Variants in C12orf43 observed in about 807,000 individuals in gnomAD.
C12orf43 encodes the protein protein CUSTOS.
In C12orf43, 15 loss-of-function variants were observed where a neutral mutation model predicts 20.6. The observed-to-expected ratio is 0.73, with a 90% confidence interval of 0.49 to 1.12. The LOEUF is 1.12. Ranked by LOEUF, C12orf43 falls within the 50% of genes most tolerant of loss-of-function variation. The pLI, the probability that C12orf43 is intolerant of heterozygous loss-of-function variation, is 0.00. For synonymous variants in C12orf43, 144 were observed against 130.8 expected (o/e 1.10, Z -0.69); for missense variants, 334 against 344.4 (o/e 0.97, Z 0.24).
chr12:121,012,356 G>A (rs572851366), intron 1 of C12orf43: 9 of 701,716 alleles, frequency 1.3e-5, no homozygotes, highest in African/African-American at 5.2e-5. Context: ...GGGCCCTGAC[G>A]TGGGCCAATG....
rs1333832320 is a variant in C12orf43, at chr12:121,001,902, G to C, written c.*2251C>G. 1.9e-6 allele frequency: 1 copy of C among 513,450 alleles called. No homozygotes were observed. The highest frequency in any genetic ancestry group is 3.8e-6 in the Non-Finnish European group (1 of 264,352). The allele number at this position is 513,450 out of a possible 1,614,324, so 31.8% of individuals were successfully genotyped here. A position where few individuals can be genotyped will look rare whatever the true frequency, so the allele number is the denominator to read the frequency against. ...AGGCCCCATGACCTCCAGCTTTCCT[G>C]TATTTGTTCCCAAGAGCATCATGCC... On this transcript the variant is annotated 3_prime_UTR_variant, in exon 6 of 6. Coordinates refer to ENST00000288757, the MANE Select transcript of C12orf43 (RefSeq NM_022895.3).
chr12:121,011,052 G>A, intron 2 of C12orf43, 52 bp downstream of exon 2: 1 of 1,599,666 alleles, frequency 6.3e-7, no homozygotes. Flanking sequence ...GGCACACGCA[G>A]GGGATCAGTA....
intron 3 of C12orf43, among the ~76,000 whole-genome samples, chr12:121,009,780 A>G (rs1565896394): frequency 6.6e-6 from 1 of 152,224 alleles, no homozygotes; most frequent in Admixed American, 6.5e-5. Context: ...ATATGGACTC[A>G]AACAGGTTGT....
At position 121,012,586 on chromosome 12, in the gene C12orf43, C is replaced by T. The variant is rs1003665403; in HGVS notation, c.146-1440G>A. ...ATGGAGTCAAGGCCGGGCGCGGTGG[C>T]TCACGCCTGTAATCCCAGCACTTTG... On this transcript the variant is annotated intron_variant, in intron 1 of 5. Coordinates refer to ENST00000288757, the MANE Select transcript of C12orf43 (RefSeq NM_022895.3). 5 of 651,820 alleles carry T rather than the reference C, an allele frequency of 7.7e-6. No individual in the cohort carries two copies. The African/African-American group carries it at 8.9e-5, about 12-fold the overall frequency. The allele number at this position is 651,820 out of a possible 1,614,324, so 40.4% of individuals were successfully genotyped here.
chr12:121,011,992 C>T (rs958320877), intron 1 of C12orf43, among the ~76,000 whole-genome samples: 2 of 152,100 alleles, frequency 1.3e-5, no homozygotes, highest in Non-Finnish European at 2.9e-5. Flanking sequence ...ATGATAAACA[C>T]ACATACGTAA....
chr12:121,008,096 A>T (rs974811044), intron 3 of C12orf43, among the ~76,000 whole-genome samples: 1 of 152,086 alleles, frequency 6.6e-6, no homozygotes, highest in South Asian at 2.1e-4. Context: ...GTTGAGAGAC[A>T]CTGACCTAAC....
rs1478071629 is a variant in C12orf43, at chr12:121,001,971, T to C, written c.*2182A>G. 1.9e-6 allele frequency: 1 copy of C among 533,976 alleles called. No homozygotes were observed. The highest frequency in any genetic ancestry group is 1.9e-5 in the African/African-American group (1 of 53,890). The allele number at this position is 533,976 out of a possible 1,614,324, so 33.1% of individuals were successfully genotyped here. A position where few individuals can be genotyped will look rare whatever the true frequency, so the allele number is the denominator to read the frequency against. On this transcript the variant is annotated 3_prime_UTR_variant, in exon 6 of 6. Transcript: ENST00000288757. ...TCCTGCCTCTACTGGGAAGGCTACT[T>C]CGGGGCTGGGAAGTCGTCCTTACTC...
Position 121,005,156 on chromosome 12 carries a change from TAAAA to T in C12orf43, c.362-67_362-64del, listed in dbSNP as rs139431288. 19,082 of 842,930 alleles carry T rather than the reference TAAAA, an allele frequency of 0.023. 746 individuals are homozygous for T. Among genetic ancestry groups the T allele is most frequent in the East Asian group, 0.19 (5,396 of 28,786 alleles). The allele number at this position is 842,930 out of a possible 1,614,324, so 52.2% of individuals were successfully genotyped here. On this transcript the variant is annotated intron_variant, in intron 4 of 5. Coordinates refer to ENST00000288757, the MANE Select transcript of C12orf43 (RefSeq NM_022895.3). This position sits in a 1 kb window ranked among gnomAD's most constrained non-coding sequence, Gnocchi z 5.6. ...CAAAACAAAAAGAAACATAAAAAAA[TAAAA>T]AATAAAGAAACAAAAAAGAAAAAAA...
Position 121,013,831 on chromosome 12 carries a change from C to T in C12orf43, c.145+2499G>A, listed in dbSNP as rs190231364. Among the ~76,000 whole-genome samples the T allele has an allele frequency of 3.5e-4, 54 of 152,282 alleles. No individual in the cohort carries two copies. The East Asian group carries it at 5.6e-3, about 16-fold the overall frequency. On this transcript the variant is annotated intron_variant, in intron 1 of 5. Coordinates refer to ENST00000288757, the MANE Select transcript of C12orf43 (RefSeq NM_022895.3). ...TGGGAGTCAGGTAGGCCTGGGTTTA[C>T]GCCTGGTTCTGCCACTCACAAATTG... is the stretch of plus-strand genomic sequence containing the variant.
intron 1 of C12orf43, 137 bp downstream of exon 1, chr12:121,016,193 G>A: frequency 7.5e-7 from 1 of 1,324,952 alleles, no homozygotes; most frequent in East Asian, 2.4e-5. Context: ...CTTTCAATCT[G>A]CACTACACCC....
intron 3 of C12orf43, 107 bp from the exon 4 acceptor site, chr12:121,006,501 A>C: frequency 2.8e-6 from 3 of 1,089,508 alleles, no homozygotes; most frequent in Non-Finnish European, 4.2e-6. Context: ...TAAATGCAAA[A>C]GCGAAAGCGT....
Position 121,016,463 on chromosome 12 carries a change from G to A in C12orf43, c.12C>T (p.Pro4=), listed in dbSNP as rs1321078365. Residue 4 remains proline (P), a synonymous_variant, in exon 1 of 6, where the codon CCC becomes CCT. Transcript: ENST00000288757. The part of the protein sequence containing the change: MAA[P]SGTVSDSESS... ...TTTCCGAATCGCTCACTGTGCCACT[G>A]GGCGCCGCCATCTTGAACCACCGCA... The A allele has an allele frequency of 1.2e-6, 2 of 1,614,036 alleles. No individual in the cohort carries two copies. Among genetic ancestry groups the A allele is most frequent in the South Asian group, 1.1e-5 (1 of 91,090 alleles).
intron 1 of C12orf43, among the ~76,000 whole-genome samples, chr12:121,014,647 A>AGGC (rs1868732030): frequency 8.1e-4 from 1 of 1,238 alleles, no homozygotes; most frequent in Non-Finnish European, 4.1e-3. Flanking sequence ...AAAAAATGCA[A>AGGC]AAAAAAAAAA....
rs573439388 is a variant in C12orf43, at chr12:121,010,753, G to T, written c.287+75C>A. On this transcript the variant is annotated intron_variant, in intron 3 of 5. Transcript: ENST00000288757. ...GCCACCGTGCCAGCCTGGACACCGT[G>T]AGCTCCCAGCCAATGTGAGCCATTG... The T allele has an allele frequency of 1.1e-3, 1,317 of 1,214,038 alleles. 30 individuals carry two copies. In the South Asian group the frequency reaches 0.025, roughly 23 times the overall value. The allele number at this position is 1,214,038 out of a possible 1,614,324, so 75.2% of individuals were successfully genotyped here. A position where few individuals can be genotyped will look rare whatever the true frequency, so the allele number is the denominator to read the frequency against.
intron 1 of C12orf43, among the ~76,000 whole-genome samples, chr12:121,013,007 T>C (rs1057373966): frequency 1.3e-5 from 2 of 152,116 alleles, no homozygotes; most frequent in Non-Finnish European, 2.9e-5. Flanking sequence ...CTGAACAAAG[T>C]GGACACTTGG....
chr12:121,006,473 G>A (rs1878035188), intron 3 of C12orf43, 79 bp from the exon 4 acceptor site: 2 of 1,362,736 alleles, frequency 1.5e-6, no homozygotes, highest in African/African-American at 2.9e-5. Flanking sequence ...CAAGTGGAGG[G>A]GATGGGGTAT....
In C12orf43 at chr12:121,001,282, G is replaced by A. The variant is rs531172648; in HGVS notation, c.*2871C>T. 3.2e-4 allele frequency: 480 copies of A among 1,496,322 alleles called. 3 individuals are homozygous for A. The African/African-American group carries it at 5.5e-3, about 17-fold the overall frequency. 92.7% of individuals were successfully genotyped at this position (1,496,322 alleles called of 1,614,324 possible). A position where few individuals can be genotyped will look rare whatever the true frequency, so the allele number is the denominator to read the frequency against. On this transcript the variant is annotated 3_prime_UTR_variant, in exon 6 of 6. Coordinates refer to ENST00000288757, the MANE Select transcript of C12orf43 (RefSeq NM_022895.3). ...CCTGCCTGGAGGACCTGAGCCTGCC[G>A]AGCAACCGTGGCCCTTCCTGGACAG...
In C12orf43 at chr12:121,002,929, G is replaced by A. The variant is rs951187811; in HGVS notation, c.*1224C>T. The stretch of plus-strand genomic sequence containing the variant: ...TGTTGCCTAGGCTGGTCTGGAACTC[G>A]GCTCAAGTGATCCACCTGCCTCGGC... On this transcript the variant is annotated 3_prime_UTR_variant, in exon 6 of 6. Transcript: ENST00000288757. 1.3e-5 allele frequency: 2 copies of A among 152,898 alleles called. No homozygotes were observed. Among genetic ancestry groups the A allele is most frequent in the African/African-American group, 2.4e-5 (1 of 41,378 alleles). 9.5% of individuals were successfully genotyped at this position (152,898 alleles called of 1,614,324 possible).
At chr12:121,010,956 C>T (rs766318791) in intron 2 of C12orf43, 30 bp from the exon 3 acceptor site, 14 of 1,612,460 alleles carry the variant, frequency 8.7e-6, no homozygotes, top group Admixed American at 6.7e-5. Flanking sequence ...ACCTCACTTC[C>T]TGCCCGCTCA....
Sources: allele counts gnomAD v4.1 joint callset (sites outside exome capture counted in the v4.1 genomes callset), GRCh38; gene constraint gnomAD v4.1.1; non-coding constraint Gnocchi (gnomAD v3.1); transcripts MANE v1.5; gene names NCBI Gene and HGNC (gene_info 2026-07-23, HGNC 2026-07-21).